DOCK9: variants seen among roughly 807,000 people sequenced by gnomAD.
DOCK9 encodes dedicator of cytokinesis 9, also known as dedicator of cytokinesis protein 9.
DOCK9 carries 89 observed loss-of-function variants against 263.3 expected under a neutral mutation model. The observed-to-expected ratio is 0.34, with a 90% CI of 0.28 to 0.40. The LOEUF (loss-of-function observed/expected upper bound fraction) is 0.40, where lower values mean the gene tolerates loss of function less well. DOCK9 is among the 10% of genes least tolerant of loss of function. The pLI, the probability that DOCK9 is intolerant of heterozygous loss-of-function variation, is 1.00. For missense variants in DOCK9, 2,140 were observed against 2,603.4 expected, an observed-to-expected ratio of 0.82 and a Z score of 3.87; for synonymous variants, 976 against 973.1, an observed-to-expected ratio of 1.00 and a Z score of -0.06.
At chr13:98,844,049 CAAAGGAGGT>C (rs2093312820) in intron 38 of DOCK9, among the ~76,000 whole-genome samples, 1 of 152,160 alleles carries the variant, frequency 6.6e-6, no homozygotes, top group Non-Finnish European at 1.5e-5. Context: ...ATTATCTGAG[CAAAGGAGGT>C]CCAGCAGGTT....
chr13:98,854,386 A>C (rs1468591327), intron 34 of DOCK9: 3 of 152,182 alleles, frequency 2.0e-5, no homozygotes, highest in Admixed American at 2.0e-4. Flanking sequence ...GCTGGTGGCC[A>C]ATTGAAAAAA....
intron 1 of DOCK9, among the ~76,000 whole-genome samples, chr13:99,021,944 C>A (rs1175587624): frequency 6.6e-6 from 1 of 152,080 alleles, no homozygotes; most frequent in Non-Finnish European, 1.5e-5. Flanking sequence ...CAAACCTACA[C>A]ATTCTGCACA....
intron 1 of DOCK9, among the ~76,000 whole-genome samples, chr13:99,014,027 C>T (rs1356153967): frequency 1.3e-5 from 2 of 152,342 alleles, no homozygotes; most frequent in Middle Eastern, 3.4e-3. Flanking sequence ...CGACAGGATG[C>T]ATGACAGCAG....
At chr13:98,975,413 C>T (rs891252754) in intron 1 of DOCK9, among the ~76,000 whole-genome samples, 1 of 150,804 alleles carries the variant, frequency 6.6e-6, no homozygotes, top group Admixed American at 6.6e-5. Flanking sequence ...ATGTTACTGA[C>T]GTGTTCTGGG....
intron 1 of DOCK9, among the ~76,000 whole-genome samples, chr13:99,058,768 AC>A (rs1236281516): frequency 6.6e-6 from 1 of 151,710 alleles, no homozygotes; most frequent in Non-Finnish European, 1.5e-5. Context: ...CAAGGACTCC[AC>A]CCCCTAAAGC....
intron 1 of DOCK9, among the ~76,000 whole-genome samples, chr13:99,047,144 C>T (rs959752948): frequency 4.6e-5 from 7 of 152,240 alleles, no homozygotes; most frequent in Admixed American, 4.6e-4. Context: ...AACTTTTCCT[C>T]ATGGTAAAGT....
chr13:99,083,256 G>GA (rs1164615270), intron 1 of DOCK9, among the ~76,000 whole-genome samples: 132 of 133,552 alleles, frequency 9.9e-4, no homozygotes, highest in East Asian at 1.5e-3. Flanking sequence ...CTCCATCTCA[G>GA]AAAAAAAAAA....
rs866163283 is a variant in DOCK9 at position 99,029,029 on chromosome 13, C to T, written c.129+57194G>A. The stretch of plus-strand genomic sequence containing the variant: ...TTGGCTCTCTGTTAGGCTCTGCCAC[C>T]AGGGGACACTAGAGGGAGACTAGCT... On this transcript the variant is annotated intron_variant, in intron 1 of 32. Transcript: ENST00000427887. Among the ~76,000 whole-genome samples, 13 of 152,298 alleles carry T rather than the reference C, an allele frequency of 8.5e-5. No individual in the cohort carries two copies. In the South Asian group the frequency reaches 2.1e-3, roughly 24 times the overall value.
chr13:99,085,302 C>A (rs1050322896), intron 1 of DOCK9, among the ~76,000 whole-genome samples: 22 of 152,202 alleles, frequency 1.4e-4, no homozygotes, highest in Non-Finnish European at 2.9e-4. Context: ...CAAACAAGCC[C>A]GTTTCAAGAA....
chr13:99,075,365 T>TTG (rs1327002855), intron 1 of DOCK9, among the ~76,000 whole-genome samples: 1 of 149,740 alleles, frequency 6.7e-6, no homozygotes, highest in Non-Finnish European at 1.5e-5. Context: ...CTTTTTTTTT[T>TTG]TTTTTTTTTG....
intron 45 of DOCK9, among the ~76,000 whole-genome samples, chr13:98,819,208 A>G (rs982751976): frequency 6.6e-6 from 1 of 152,212 alleles, no homozygotes; most frequent in Non-Finnish European, 1.5e-5. Flanking sequence ...ATGGGAATCT[A>G]TATTTGTAGC....
chr13:99,068,135 C>T (rs1177859046), intron 1 of DOCK9, among the ~76,000 whole-genome samples: 1 of 152,184 alleles, frequency 6.6e-6, no homozygotes, highest in Non-Finnish European at 1.5e-5. Flanking sequence ...AAACCCTCAT[C>T]TGCTATTGGT....
At chr13:99,010,169 C>T (rs1595897456) in intron 1 of DOCK9, among the ~76,000 whole-genome samples, 2 of 152,312 alleles carry the variant, frequency 1.3e-5, no homozygotes, top group South Asian at 2.1e-4. Context: ...GTCCTAGCTG[C>T]TGTTAAAGTT....
chr13:98,796,195 A>G, intron 52 of DOCK9: 1 of 1,578,472 alleles, frequency 6.3e-7, no homozygotes, highest in Non-Finnish European at 8.6e-7. Flanking sequence ...AATGTTTAAA[A>G]ATGACATTAC....
At chr13:98,984,925 G>GA (rs1282149968) in intron 1 of DOCK9, among the ~76,000 whole-genome samples, 3 of 152,178 alleles carry the variant, frequency 2.0e-5, no homozygotes, top group South Asian at 2.1e-4. Context: ...ATATACAAAA[G>GA]AAAAACACAA....
At chr13:98,838,728 G>A (rs900460880) in intron 38 of DOCK9, among the ~76,000 whole-genome samples, 105 of 152,178 alleles carry the variant, frequency 6.9e-4, no homozygotes, top group African/African-American at 2.5e-3. Flanking sequence ...AGATTACAAA[G>A]AAAGATGGCA....
chr13:99,024,091 T>C (rs925183332), intron 1 of DOCK9, among the ~76,000 whole-genome samples: 1 of 152,208 alleles, frequency 6.6e-6, no homozygotes, highest in Non-Finnish European at 1.5e-5. Flanking sequence ...GGGAGCTCAG[T>C]TCTTTAAAGA....
Position 98,903,032 on chromosome 13 carries a change from A to G in DOCK9, c.1116T>C (p.Asn372=). 2 of 1,543,338 alleles carry G rather than the reference A, an allele frequency of 1.3e-6. No individual in the cohort carries two copies. The highest frequency in any genetic ancestry group is 1.7e-6 in the Non-Finnish European group (2 of 1,144,286). ...AGCATTGCAAATTGAAAGATAAATC[A>G]TTGCACTTGACAAGGATCCTTTTTC... ...KFGKRILVKC[N]DLSFNLQCCV... is the part of the protein sequence containing the mutation. Residue 372 remains asparagine, a synonymous_variant, in exon 11 of 53, where the codon AAT becomes AAC. Transcript: ENST00000682017.
At chr13:98,981,153 C>T (rs1008723213), upstream of DOCK9, among the ~76,000 whole-genome samples, 2 of 151,594 alleles carry the variant, frequency 1.3e-5, no homozygotes, top group African/African-American at 4.9e-5. Context: ...ACCTCCTGGG[C>T]TCATGCAATC....
Sources: gnomAD v4.1 joint callset for allele counts (sites outside exome capture counted in the v4.1 genomes callset) on GRCh38, gnomAD v4.1.1 for gene constraint, MANE v1.5 for transcripts, NCBI Gene and HGNC (gene_info 2026-07-23, HGNC 2026-07-21) for gene names.